ZNF45: variants seen among roughly 807,000 people sequenced by gnomAD.
ZNF45 encodes BRC1744.
In ZNF45, 4 loss-of-function variants were observed where a neutral mutation model predicts 12.0. The observed-to-expected ratio is 0.33, with a 90% CI of 0.16 to 0.76. The LOEUF is 0.76. ZNF45 is among the 30% of genes least tolerant of loss of function. The probability of loss-of-function intolerance (pLI) is 0.60; values close to 1 mark genes in which losing one functional copy is unlikely to be tolerated. For missense variants in ZNF45, 700 were observed against 813.0 expected (o/e 0.86, Z 1.69); for synonymous variants, 272 against 279.6 (o/e 0.97, Z 0.27).
At chr19:43,926,273 A>AT (rs1973668762) in intron 3 of ZNF45, 1 of 152,062 alleles carries the variant, frequency 6.6e-6, no homozygotes, top group Non-Finnish European at 1.5e-5. Context: ...TTATTTCCAA[A>AT]TTTTTCCTCT....
Position 43,914,235 on chromosome 19 carries a change from AGGCCC to A in ZNF45, c.1196_1200del (p.Arg399LeufsTer19). 12 of 1,613,574 alleles carry A rather than the reference AGGCCC, an allele frequency of 7.4e-6. No individual in the cohort carries two copies. The highest frequency in any genetic ancestry group is 1.0e-5 in the Non-Finnish European group (12 of 1,179,672). On this transcript the variant is annotated frameshift_variant, in exon 10 of 10. Coordinates refer to ENST00000269973, the MANE Select transcript of ZNF45 (RefSeq NM_003425.4). LOFTEE classifies it low-confidence loss of function (END_TRUNC). Reference sequence around the variant, plus strand: ...CCTCTTTGATGGTCCAGCAGATTTGAGGCCCGGCAGAAGCCTTTCCCACACTCCTC... The same window carrying A: ...CCTCTTTGATGGTCCAGCAGATTTGAGGCAGAAGCCTTTCCCACACTCCTC...
At position 43,913,605 on chromosome 19, in the gene ZNF45, G is replaced by A. The variant is rs1972381430; in HGVS notation, c.1831C>T (p.Pro611Ser). The A allele has an allele frequency of 6.2e-7, 1 of 1,613,956 alleles. No individual in the cohort carries two copies. Among genetic ancestry groups the A allele is most frequent in the South Asian group, 1.1e-5 (1 of 91,082 alleles). Residue 611 changes from proline (P) to serine (S), a missense_variant, in exon 10 of 10, where the codon CCA (proline) becomes TCA (serine). Transcript: ENST00000269973. ...TTCCCACATTCCTCACATTTGTATGGTCTCTCTCCTGTGTGGACCCTCTGG... is the reference window on the plus strand; with the variant it reads ...TTCCCACATTCCTCACATTTGTATGATCTCTCTCCTGTGTGGACCCTCTGG... ...AHQRVHTGERPYKCEECGKVF... is the reference protein window; with the variant it reads ...AHQRVHTGERSYKCEECGKVF...
At chr19:43,916,302 G>T (rs1972666762) in intron 9 of ZNF45, among the ~76,000 whole-genome samples, 1 of 151,836 alleles carries the variant, frequency 6.6e-6, no homozygotes, top group East Asian at 1.9e-4. Flanking sequence ...TTTTTGTAGA[G>T]ATGGGGTTTC....
At chr19:43,928,293 C>T (rs960040888) in intron 3 of ZNF45, among the ~76,000 whole-genome samples, 4 of 151,068 alleles carry the variant, frequency 2.6e-5, no homozygotes, top group East Asian at 2.0e-4. Flanking sequence ...CATGTTCTAA[C>T]TCATCAGTGG....
chr19:43,927,281 A>G (rs1406979679), intron 3 of ZNF45, among the ~76,000 whole-genome samples: 1 of 152,166 alleles, frequency 6.6e-6, no homozygotes, highest in Non-Finnish European at 1.5e-5. Flanking sequence ...TCCATCCCCA[A>G]CACCTACTAA....
At chr19:43,931,779 G>A (rs2147226332) in intron 3 of ZNF45, among the ~76,000 whole-genome samples, 1 of 152,278 alleles carries the variant, frequency 6.6e-6, no homozygotes, top group East Asian at 1.9e-4. Context: ...GAAAGGTCAA[G>A]TAACTTGCCC....
intron 7 of ZNF45, among the ~76,000 whole-genome samples, chr19:43,920,608 T>TG (rs1331113951): frequency 6.8e-6 from 1 of 146,346 alleles, no homozygotes; most frequent in Non-Finnish European, 1.5e-5. Flanking sequence ...GGTTTTTTTT[T>TG]TTTTTTTTTT....
intron 3 of ZNF45, among the ~76,000 whole-genome samples, chr19:43,927,031 G>A (rs947289660): frequency 1.3e-5 from 2 of 152,178 alleles, no homozygotes; most frequent in African/African-American, 4.8e-5. Flanking sequence ...TAGGGCCAGA[G>A]AGACTATTAG....
chr19:43,926,377 A>G (rs1398671540), intron 3 of ZNF45: 2 of 152,230 alleles, frequency 1.3e-5, no homozygotes, highest in East Asian at 3.8e-4. Context: ...CATCTTAGGA[A>G]AGTACTCTCT....
chr19:43,924,588 G>A (rs1344327346), intron 4 of ZNF45, 27 bp from the exon 5 acceptor site: 1 of 152,220 alleles, frequency 6.6e-6, no homozygotes. Context: ...GCAGATGGGA[G>A]TCTAAGATCT....
At chr19:43,916,539 A>G (rs1972691980) in intron 9 of ZNF45, among the ~76,000 whole-genome samples, 2 of 152,170 alleles carry the variant, frequency 1.3e-5, no homozygotes, top group Non-Finnish European at 1.5e-5. Context: ...GACAAACTAT[A>G]TATGTCCCTT....
intron 9 of ZNF45, 117 bp downstream of exon 9, chr19:43,918,753 C>T: frequency 1.4e-6 from 1 of 739,730 alleles, no homozygotes; most frequent in Non-Finnish European, 2.3e-6. Context: ...ATTAGATATT[C>T]ATCAGGGGGA....
In ZNF45 at chr19:43,913,469, A is replaced by AT. The variant is rs770857897; in HGVS notation, c.1966dup (p.Ile656AsnfsTer9). The AT allele has an allele frequency of 6.2e-7, 1 of 1,611,440 alleles. No individual in the cohort carries two copies. On this transcript the variant is annotated frameshift_variant, in exon 10 of 10. Coordinates refer to ENST00000269973, the MANE Select transcript of ZNF45 (RefSeq NM_003425.4). LOFTEE classifies it low-confidence loss of function (END_TRUNC). ...ATCAGCATGGACTCGCTGATGAATG[A>AT]TAAGACTTGAGCTCCAACTGAAGCC...
chr19:43,922,178 T>G lies in ZNF45; in HGVS notation c.8A>C (p.Lys3Thr). 6.2e-7 allele frequency: 1 copy of G among 1,610,488 alleles called. No individual in the cohort carries two copies. Among genetic ancestry groups the G allele is most frequent in the South Asian group, 1.1e-5 (1 of 90,682 alleles). The change falls in exon 7 of 10, where the codon AAG becomes ACG. Residue 3 changes from lysine to threonine, a missense_variant. By Grantham distance (78) the Lys-to-Thr change is moderately conservative. Transcript: ENST00000269973. ...AAGGGAGGTCCAACTCACCTTAGACTTCGTCATTTTGTCCTCCTCCTTCTG... is the reference window on the plus strand; with the variant it reads ...AAGGGAGGTCCAACTCACCTTAGACGTCGTCATTTTGTCCTCCTCCTTCTG... The part of the protein sequence containing the change: MT[K>T]SKEAVTFKDV...
At chr19:43,918,721 G>T (rs1972884811) in intron 9 of ZNF45, 149 bp downstream of exon 9, 1 of 648,384 alleles carries the variant, frequency 1.5e-6, no homozygotes, top group Non-Finnish European at 2.7e-6. Context: ...ATATCCAAAA[G>T]CACCCAATAA....
chr19:43,912,667 T>C lies in ZNF45; in HGVS notation c.*720A>G, dbSNP rs919880683. ...GGCACAAGAAAACTTTTTGGTTTAA[T>C]AGACATATTGTATACATTGATCTTG... On this transcript the variant is annotated 3_prime_UTR_variant, in exon 10 of 10. Coordinates refer to ENST00000269973, the MANE Select transcript of ZNF45 (RefSeq NM_003425.4). The C allele has an allele frequency of 1.3e-5, 2 of 152,248 alleles. No homozygotes were observed. Among genetic ancestry groups the C allele is most frequent in the African/African-American group, 2.4e-5 (1 of 41,460 alleles). 9.4% of individuals were successfully genotyped at this position (152,248 alleles called of 1,614,324 possible).
In ZNF45 at chr19:43,913,583, C is replaced by T; in HGVS notation, c.1853G>A (p.Gly618Glu). The change falls in exon 10 of 10, where the codon GGG becomes GAG. Residue 618 changes from glycine to glutamate, a missense_variant. Gly to Glu is a moderately conservative substitution (Grantham distance 98). Transcript: ENST00000269973. ...GERPYKCEEC[G>E]KVFSWSSYLQ... ...GTATGAGCTCCAGCTGAAGACTTTC[C>T]CACATTCCTCACATTTGTATGGTCT... is the stretch of plus-strand genomic sequence containing the variant. 1 of 1,613,774 alleles carries T rather than the reference C, an allele frequency of 6.2e-7. No homozygotes were observed.
At chr19:43,930,907 A>G (rs1210053340) in intron 3 of ZNF45, among the ~76,000 whole-genome samples, 2 of 151,592 alleles carry the variant, frequency 1.3e-5, no homozygotes, top group African/African-American at 4.8e-5. Flanking sequence ...TTATTGAGGG[A>G]TTTTACTTTC....
At position 43,932,612 on chromosome 19, in the gene ZNF45, T is replaced by C. The variant is rs1974220926; in HGVS notation, c.-408A>G. On this transcript the variant is annotated 5_prime_UTR_variant, in exon 3 of 10. Coordinates refer to ENST00000269973, the MANE Select transcript of ZNF45 (RefSeq NM_003425.4). ...CTACATGAATCACTTACTCACTGAATAACTCCTCTTTGCAAACCTCTTGCT... is the reference window on the plus strand; with the variant it reads ...CTACATGAATCACTTACTCACTGAACAACTCCTCTTTGCAAACCTCTTGCT... The C allele has an allele frequency of 1.3e-5, 2 of 152,184 alleles. No individual in the cohort carries two copies. Among genetic ancestry groups the C allele is most frequent in the Admixed American group, 1.3e-4 (2 of 15,276 alleles). The allele number at this position is 152,184 out of a possible 1,614,324, so 9.4% of individuals were successfully genotyped here.
Sources: gnomAD v4.1 joint callset for allele counts (sites outside exome capture counted in the v4.1 genomes callset) on GRCh38, gnomAD v4.1.1 for gene constraint, MANE v1.5 for transcripts, NCBI Gene and HGNC (gene_info 2026-07-23, HGNC 2026-07-21) for gene names.